The following KALRN variants were observed in gnomAD, a reference collection of about 807,000 sequenced individuals.
KALRN encodes kalirin.
Under a neutral mutation model 353.7 loss-of-function variants are expected in KALRN, and 70 were observed. The observed-to-expected ratio is 0.20, with a 90% CI of 0.16 to 0.24. KALRN has a LOEUF of 0.24. Ranked by LOEUF, KALRN falls within the 10% of genes least tolerant of loss-of-function variation. The pLI is 1.00. For synonymous variants in KALRN, 1,391 were observed against 1,434.8 expected, an observed-to-expected ratio of 0.97 and a Z score of 0.69; for missense variants, 2,791 against 3,756.7, an observed-to-expected ratio of 0.74 and a Z score of 6.72.
chr3:124,142,392 C>T (rs2149797798), intron 1 of KALRN, among the ~76,000 whole-genome samples: 1 of 152,316 alleles, frequency 6.6e-6, no homozygotes, highest in East Asian at 1.9e-4. Flanking sequence ...GCATCCTGCA[C>T]AATGTTGAAT....
chr3:124,717,509 A>G (rs544131293), intron 59 of KALRN, 124 bp downstream of exon 59: 2 of 522,706 alleles, frequency 3.8e-6, no homozygotes, highest in South Asian at 4.3e-5. Context: ...ACACGGTGAA[A>G]CCCCGTCTCT....
rs556156370 is a variant in KALRN at position 124,181,651 on chromosome 3, G to A, written c.74-46339G>A. ...TTTGGCTCTAAAATAGAACAAAGCA[G>A]GGAGGAGAACGTGGAGGGGAGGGAG... On this transcript the variant is annotated intron_variant, in intron 1 of 59. Coordinates refer to ENST00000682506, the MANE Select transcript of KALRN (RefSeq NM_001388419.1). 5.3e-5 allele frequency among the ~76,000 whole-genome samples: 8 copies of A among 152,160 alleles called. No individual in the cohort carries two copies. The South Asian group carries it at 6.2e-4, about 12-fold the overall frequency.
chr3:124,487,325 G>A (rs774288517), intron 28 of KALRN, among the ~76,000 whole-genome samples: 2 of 152,156 alleles, frequency 1.3e-5, no homozygotes, highest in Non-Finnish European at 2.9e-5. Context: ...GGATGGTGAT[G>A]ACTGAGTCTC....
At chr3:124,596,684 TG>T (rs1205419580) in intron 34 of KALRN, among the ~76,000 whole-genome samples, 25 of 152,202 alleles carry the variant, frequency 1.6e-4, no homozygotes, top group African/African-American at 5.8e-4. Context: ...TTAGGTGAGT[TG>T]ATGTATGTAA....
At chr3:124,386,352 G>A (rs554387013) in intron 11 of KALRN, among the ~76,000 whole-genome samples, 13 of 152,276 alleles carry the variant, frequency 8.5e-5, no homozygotes, top group Non-Finnish European at 1.5e-4. Flanking sequence ...TGTAGGTGAT[G>A]GAATGGAGTA....
At chr3:124,464,465 T>G (rs2060138948) in intron 25 of KALRN, among the ~76,000 whole-genome samples, 1 of 152,220 alleles carries the variant, frequency 6.6e-6, no homozygotes, top group Admixed American at 6.5e-5. Flanking sequence ...AAAATCTACC[T>G]ACCAGTTACA....
chr3:124,409,069 G>A (rs1248133558), intron 13 of KALRN, among the ~76,000 whole-genome samples: 1 of 152,134 alleles, frequency 6.6e-6, no homozygotes. Context: ...TGTCTCTAGA[G>A]TAGACAATTG....
At chr3:124,536,494 G>T (rs2109251831) in intron 33 of KALRN, among the ~76,000 whole-genome samples, 1 of 152,324 alleles carries the variant, frequency 6.6e-6, no homozygotes, top group South Asian at 2.1e-4. Flanking sequence ...GAGCCACCAT[G>T]TCCAGCCTCC....
At chr3:124,562,504 G>A (rs567068929) in intron 33 of KALRN, among the ~76,000 whole-genome samples, 1 of 152,274 alleles carries the variant, frequency 6.6e-6, no homozygotes, top group South Asian at 2.1e-4. Flanking sequence ...CTGAAGCTTG[G>A]CAAAGGAATA....
chr3:124,400,104 C>T lies in KALRN; in HGVS notation c.2346+1233C>T, dbSNP rs117529785. 0.011 allele frequency among the ~76,000 whole-genome samples: 1,735 copies of T among 152,102 alleles called. 58 individuals carry two copies. In the East Asian group the frequency reaches 0.12, roughly 11 times the overall value. On this transcript the variant is annotated intron_variant, in intron 13 of 59. Coordinates refer to ENST00000682506, the MANE Select transcript of KALRN (RefSeq NM_001388419.1). ...TTGGTGAGCTTCCCAATAATATCTGCGGAAACTTCAATGGAACAGCTTTAG... is the reference window on the plus strand; with the variant it reads ...TTGGTGAGCTTCCCAATAATATCTGTGGAAACTTCAATGGAACAGCTTTAG...
At chr3:124,092,446 A>G (rs1399428778) in intron 1 of KALRN, among the ~76,000 whole-genome samples, 1 of 152,244 alleles carries the variant, frequency 6.6e-6, no homozygotes, top group Non-Finnish European at 1.5e-5. Flanking sequence ...CTCTCTCTGC[A>G]GTTATAAGTC....
At chr3:124,354,284 G>A (rs2083148304) in intron 10 of KALRN, among the ~76,000 whole-genome samples, 1 of 152,220 alleles carries the variant, frequency 6.6e-6, no homozygotes, top group African/African-American at 2.4e-5. Context: ...CTCGTTCCAT[G>A]TGATGGCAGT....
At chr3:124,403,411 C>A (rs2091116240) in intron 13 of KALRN, among the ~76,000 whole-genome samples, 1 of 152,172 alleles carries the variant, frequency 6.6e-6, no homozygotes, top group Admixed American at 6.5e-5. Context: ...GAAGGATATT[C>A]TAGACAAGGG....
At position 124,626,742 on chromosome 3, in the gene KALRN, C is replaced by A. The variant is rs536128858; in HGVS notation, c.5183-5678C>A. Among the ~76,000 whole-genome samples the A allele has an allele frequency of 3.9e-5, 6 of 152,278 alleles. No individual in the cohort carries two copies. In the South Asian group the frequency reaches 1.2e-3, roughly 32 times the overall value. On this transcript the variant is annotated intron_variant, in intron 34 of 59. Transcript: ENST00000682506. ...CTGATTTGTGACAAGTGGTTTTCCACATATAAACCTTTAAGCAACTTGATG... is the reference window on the plus strand; with the variant it reads ...CTGATTTGTGACAAGTGGTTTTCCAAATATAAACCTTTAAGCAACTTGATG...
chr3:124,525,740 G>A (rs1171959181), intron 33 of KALRN, among the ~76,000 whole-genome samples: 4 of 152,178 alleles, frequency 2.6e-5, no homozygotes, highest in Admixed American at 6.5e-5. Flanking sequence ...CTGTGTTCTC[G>A]TTTGCTGTTA....
intron 3 of KALRN, among the ~76,000 whole-genome samples, chr3:124,251,128 G>A (rs2071087958): frequency 6.6e-6 from 1 of 152,150 alleles, no homozygotes; most frequent in Non-Finnish European, 1.5e-5. Flanking sequence ...CAGGAGTTGT[G>A]TTTCAGAGCC....
chr3:124,240,661 C>A, intron 3 of KALRN, among the ~76,000 whole-genome samples: 1 of 152,092 alleles, frequency 6.6e-6, no homozygotes, highest in East Asian at 1.9e-4. Context: ...AGCCAGATGA[C>A]AGGGGAGCCC....
chr3:124,176,300 C>G (rs138042379), intron 1 of KALRN, among the ~76,000 whole-genome samples: 1 of 152,044 alleles, frequency 6.6e-6, no homozygotes, highest in Non-Finnish European at 1.5e-5. Flanking sequence ...GAGGAAGCCC[C>G]GCAGTAGTAG....
intron 5 of KALRN, among the ~76,000 whole-genome samples, chr3:124,273,294 A>G (rs1023497629): frequency 6.6e-6 from 1 of 152,204 alleles, no homozygotes; most frequent in Non-Finnish European, 1.5e-5. Context: ...TGTTCCACAG[A>G]TAATTCATAA....
Sources: allele counts gnomAD v4.1 joint callset (sites outside exome capture counted in the v4.1 genomes callset), GRCh38; gene constraint gnomAD v4.1.1; transcripts MANE v1.5; gene names NCBI Gene and HGNC (gene_info 2026-07-23, HGNC 2026-07-21).